The following MROH7 variants were observed in gnomAD, a reference collection of about 807,000 sequenced individuals.
The protein encoded by MROH7 is maestro heat like repeat family member 7.
Under a neutral mutation model 129.2 loss-of-function variants are expected in MROH7, and 113 were observed. The ratio of observed to expected loss-of-function variants is 0.87; its 90% confidence interval spans 0.75 to 1.02. The LOEUF (loss-of-function observed/expected upper bound fraction) is 1.02. MROH7 is among the 50% of genes least tolerant of loss of function. MROH7 has a pLI of 0.00. For synonymous variants in MROH7, 655 were observed against 667.9 expected (o/e 0.98, Z 0.30); for missense variants, 1,601 against 1,671.3 (o/e 0.96, Z 0.73).
chr1:54,673,771 T>G lies in MROH7; in HGVS notation c.1766T>G (p.Val589Gly). ...RARAVNTNVS[V>G]LNHMLLTLPF... Reference sequence around the variant, plus strand: ...CGGGCTGTGAACACCAATGTCTCTGTGTTGAACCACATGCTTCTAACTCTG... The same window carrying G: ...CGGGCTGTGAACACCAATGTCTCTGGGTTGAACCACATGCTTCTAACTCTG... The change falls in exon 9 of 24, where the codon GTG (valine) becomes GGG (glycine). Residue 589 changes from valine (V) to glycine (G), a missense_variant. By Grantham distance (109) the Val-to-Gly change is moderately radical. Transcript: ENST00000421030. 2 of 1,614,158 alleles carry G rather than the reference T, an allele frequency of 1.2e-6. No individual in the cohort carries two copies. Among genetic ancestry groups the G allele is most frequent in the Non-Finnish European group, 1.7e-6 (2 of 1,179,998 alleles).
chr1:54,651,833 T>G (rs1309338253), intron 1 of MROH7, 116 bp from the exon 2 acceptor site: 1 of 152,562 alleles, frequency 6.6e-6, no homozygotes, highest in Non-Finnish European at 1.5e-5. Context: ...TTTGTGTGTG[T>G]GTGTGTGTAG....
At chr1:54,697,367 C>G in intron 17 of MROH7, 1 of 345,076 alleles carries the variant, frequency 2.9e-6, no homozygotes, top group Non-Finnish European at 5.2e-6. Context: ...ATTGCACCCC[C>G]AGGTCCAGCT....
At chr1:54,692,309 TA>T in intron 15 of MROH7, 114 bp from the exon 16 acceptor site, 3 of 1,355,512 alleles carry the variant, frequency 2.2e-6, no homozygotes, top group Non-Finnish European at 3.1e-6. Flanking sequence ...TACCCCTACC[TA>T]AAATGGTGAA....
chr1:54,707,714 A>T (rs1180591114), intron 22 of MROH7, among the ~76,000 whole-genome samples: 3 of 152,170 alleles, frequency 2.0e-5, no homozygotes, highest in African/African-American at 7.2e-5. Context: ...GGGGAAACAT[A>T]GTGAGTAGAG....
chr1:54,700,809 C>T (rs1368395558), intron 18 of MROH7, among the ~76,000 whole-genome samples: 1 of 152,184 alleles, frequency 6.6e-6, no homozygotes, highest in African/African-American at 2.4e-5. Flanking sequence ...CTACCAGGCA[C>T]TGTTGCAGCT....
intron 16 of MROH7, 54 bp from the exon 17 acceptor site, chr1:54,695,322 A>T: frequency 1.1e-6 from 1 of 946,622 alleles, no homozygotes; most frequent in South Asian, 1.5e-5. Context: ...TCCCCCCCAC[A>T]GGTCCCCCTG....
In MROH7 at chr1:54,682,663, G is replaced by A; in HGVS notation, c.2389G>A (p.Ala797Thr). 6.2e-7 allele frequency: 1 copy of A among 1,613,440 alleles called. No individual in the cohort carries two copies. Among genetic ancestry groups the A allele is most frequent in the Non-Finnish European group, 8.5e-7 (1 of 1,179,722 alleles). Residue 797 changes from alanine (A) to threonine (T), a missense_variant, in exon 14 of 24, where the codon GCA (alanine) becomes ACA (threonine). Coordinates refer to ENST00000421030, the MANE Select transcript of MROH7 (RefSeq NM_001039464.4). ...MCPLPLNSNG[A>T]EMWRQLILCK... is the part of the protein sequence containing the mutation. Reference sequence around the variant, plus strand: ...ACATCCCTGACCTCTCAGCAATGGAGCAGAGATGTGGAGGCAGCTGATACT... The same window carrying A: ...ACATCCCTGACCTCTCAGCAATGGAACAGAGATGTGGAGGCAGCTGATACT...
At position 54,652,881 on chromosome 1, in the gene MROH7, G is replaced by A; in HGVS notation, c.-46G>A. 1 of 1,524,318 alleles carries A rather than the reference G, an allele frequency of 6.6e-7. No individual in the cohort carries two copies. The highest frequency in any genetic ancestry group is 8.8e-7 in the Non-Finnish European group (1 of 1,138,490). The allele number at this position is 1,524,318 out of a possible 1,614,324, so 94.4% of individuals were successfully genotyped here. A position where few individuals can be genotyped will look rare whatever the true frequency, so the allele number is the denominator to read the frequency against. The stretch of plus-strand genomic sequence containing the variant: ...GCTGCTGGGAATGTGACAGTTGGCT[G>A]TTGGAGAGAAGCGGGCACTGGCATT... On this transcript the variant is annotated 5_prime_UTR_variant, in exon 3 of 24. Transcript: ENST00000421030.
At chr1:54,677,454 C>T (rs542922166) in intron 10 of MROH7, among the ~76,000 whole-genome samples, 3 of 152,220 alleles carry the variant, frequency 2.0e-5, no homozygotes, top group South Asian at 2.1e-4. Flanking sequence ...ACAAAAAACC[C>T]GAAGTGTGGG....
intron 8 of MROH7, among the ~76,000 whole-genome samples, 196 bp from the exon 9 acceptor site, chr1:54,673,505 T>C (rs1644934536): frequency 6.6e-6 from 1 of 152,160 alleles, no homozygotes. Flanking sequence ...CCTCATTGAC[T>C]TCCTTCTTCC....
chr1:54,650,365 G>A (rs2101060342), intron 1 of MROH7, among the ~76,000 whole-genome samples: 1 of 152,314 alleles, frequency 6.6e-6, no homozygotes, highest in African/African-American at 2.4e-5. Flanking sequence ...AGCAAAATTT[G>A]TGGAGTGAGT....
intron 3 of MROH7, among the ~76,000 whole-genome samples, chr1:54,660,901 T>C (rs1644722157): frequency 6.6e-6 from 1 of 152,188 alleles, no homozygotes; most frequent in Admixed American, 6.5e-5. Flanking sequence ...TAGTTCATTG[T>C]GGTTTTAATT....
chr1:54,681,187 T>G (rs1645064528), intron 13 of MROH7, among the ~76,000 whole-genome samples: 1 of 152,178 alleles, frequency 6.6e-6, no homozygotes, highest in South Asian at 2.1e-4. Flanking sequence ...TTCCTTCAAG[T>G]TGGCACCCTG....
chr1:54,681,806 C>T (rs1389086518), intron 13 of MROH7, among the ~76,000 whole-genome samples: 1 of 152,166 alleles, frequency 6.6e-6, no homozygotes, highest in Non-Finnish European at 1.5e-5. Context: ...GCTCAACTGC[C>T]TCCACTCTTG....
At chr1:54,695,806 T>C in intron 17 of MROH7, 1 of 389,222 alleles carries the variant, frequency 2.6e-6, no homozygotes, top group African/African-American at 2.1e-5. Flanking sequence ...GAATTTTTGG[T>C]GTGGCAGAGG....
chr1:54,680,801 T>A (rs756809909), intron 13 of MROH7, among the ~76,000 whole-genome samples: 1 of 152,218 alleles, frequency 6.6e-6, no homozygotes. Context: ...TGTGCAGAGC[T>A]GTGCAAATGG....
rs768311390 is a variant in MROH7, at chr1:54,695,619, G to C, written c.2964+129G>C. The C allele has an allele frequency of 4.2e-6, 3 of 722,360 alleles. No individual in the cohort carries two copies. In the African/African-American group the frequency reaches 5.2e-5, roughly 13 times the overall value. The allele number at this position is 722,360 out of a possible 1,614,324, so 44.7% of individuals were successfully genotyped here. A position where few individuals can be genotyped will look rare whatever the true frequency, so the allele number is the denominator to read the frequency against. On this transcript the variant is annotated intron_variant, in intron 17 of 23. Coordinates refer to ENST00000421030, the MANE Select transcript of MROH7 (RefSeq NM_001039464.4). ...CCTTCCCATGGGCATGACTTCTCTTGACTATGATGATCTTGTTGGTCTCCC... is the reference window on the plus strand; with the variant it reads ...CCTTCCCATGGGCATGACTTCTCTTCACTATGATGATCTTGTTGGTCTCCC...
chr1:54,665,623 A>G (rs1644801782), intron 4 of MROH7: 2 of 169,896 alleles, frequency 1.2e-5, no homozygotes, highest in Non-Finnish European at 2.5e-5. Flanking sequence ...GTCAGGCCCA[A>G]CCCAGGTCTG....
rs1235050505 is a variant in MROH7 at position 54,702,315 on chromosome 1, A to G, written c.3441+70A>G. ...CTGTGGGCGCACCTCTTTTTACGTT[A>G]ACCAAGCCAGAGTCTCAAACAATCC... On this transcript the variant is annotated intron_variant, in intron 20 of 23. Coordinates refer to ENST00000421030, the MANE Select transcript of MROH7 (RefSeq NM_001039464.4). 2.3e-6 allele frequency: 3 copies of G among 1,304,450 alleles called. No individual in the cohort carries two copies. The African/African-American group carries it at 4.6e-5, about 20-fold the overall frequency. 80.8% of individuals were successfully genotyped at this position (1,304,450 alleles called of 1,614,324 possible). A position where few individuals can be genotyped will look rare whatever the true frequency, so the allele number is the denominator to read the frequency against.
Sources: allele counts gnomAD v4.1 joint callset (sites outside exome capture counted in the v4.1 genomes callset), GRCh38; gene constraint gnomAD v4.1.1; transcripts MANE v1.5; gene names NCBI Gene and HGNC (gene_info 2026-07-23, HGNC 2026-07-21).